The following C8orf58 variants were observed in gnomAD, a reference collection of about 807,000 sequenced individuals.
C8orf58 encodes the protein chromosome 8 open reading frame 58.
In C8orf58, 31 loss-of-function variants were observed where a neutral mutation model predicts 36.8. The observed-to-expected ratio is 0.84, with a 90% confidence interval of 0.63 to 1.14. C8orf58 has a LOEUF of 1.14. C8orf58 is among the 50% of genes most tolerant of loss of function. The probability of loss-of-function intolerance (pLI) is 0.00; values close to 1 mark genes in which losing one functional copy is unlikely to be tolerated. For missense variants in C8orf58, 538 were observed against 480.8 expected (o/e 1.12, Z -1.11); for synonymous variants, 230 against 200.2 (o/e 1.15, Z -1.26).
intron 5 of C8orf58, 78 bp from the exon 6 acceptor site, chr8:22,602,459 G>A (rs1800894651): frequency 2.9e-6 from 4 of 1,382,388 alleles, no homozygotes; most frequent in Non-Finnish European, 4.1e-6. Flanking sequence ...CCTGGCTGTG[G>A]CGACAGCTGT....
intron 2 of C8orf58, 33 bp from the exon 3 acceptor site, chr8:22,601,679 C>A: frequency 6.4e-7 from 1 of 1,573,556 alleles, no homozygotes. Context: ...GCCCTACTGG[C>A]TGAAATCTCC....
chr8:22,602,166 T>A, intron 4 of C8orf58, 34 bp from the exon 5 acceptor site: 1 of 1,567,360 alleles, frequency 6.4e-7, no homozygotes, highest in Non-Finnish European at 8.7e-7. Context: ...TGGGGTGTCT[T>A]CTGGCCCTGG....
Position 22,601,043 on chromosome 8 carries a change from G to T in C8orf58, c.202G>T (p.Asp68Tyr). ...ACTCTTTCTCAAACTGGCCTCCCGG[G>T]ACTCAGGAGTGGAGATGGCAGTTGG... Reference protein sequence around the residue: ...EALFLKLASRDSGVEMAVGDS... With the variant: ...EALFLKLASRYSGVEMAVGDS... The change falls in exon 2 of 7, where the codon GAC (aspartate) becomes TAC (tyrosine). Residue 68 changes from aspartate (D) to tyrosine (Y), a missense_variant. Coordinates refer to ENST00000289989, the MANE Select transcript of C8orf58 (RefSeq NM_001013842.3). 1 of 1,612,860 alleles carries T rather than the reference G, an allele frequency of 6.2e-7. No individual in the cohort carries two copies. Among genetic ancestry groups the T allele is most frequent in the Non-Finnish European group, 8.5e-7 (1 of 1,180,022 alleles).
In C8orf58 at chr8:22,603,285, A is replaced by C. The variant is rs1563895594; in HGVS notation, c.1077A>C (p.Ala359=). 1 of 1,613,774 alleles carries C rather than the reference A, an allele frequency of 6.2e-7. No homozygotes were observed. The highest frequency in any genetic ancestry group is 1.6e-4 in the Middle Eastern group (1 of 6,062). ...MPSLVVKKQR[A]KNLSVG is the part of the protein sequence containing the mutation. ...CATTAGTGGTTAAGAAGCAACGAGCAAAAAACCTTTCTGTAGGCTGAGACC... is the reference window on the plus strand; with the variant it reads ...CATTAGTGGTTAAGAAGCAACGAGCCAAAAACCTTTCTGTAGGCTGAGACC... The change falls in exon 7 of 7, where the codon GCA becomes GCC. Residue 359 remains alanine, a synonymous_variant. Coordinates refer to ENST00000289989, the MANE Select transcript of C8orf58 (RefSeq NM_001013842.3).
chr8:22,602,886 G>C lies in C8orf58; in HGVS notation c.986+243G>C, dbSNP rs905882049. The C allele has an allele frequency of 1.4e-5, 8 of 581,664 alleles. No individual in the cohort carries two copies. The African/African-American group carries it at 1.5e-4, about 11-fold the overall frequency. 36.0% of individuals were successfully genotyped at this position (581,664 alleles called of 1,614,324 possible). On this transcript the variant is annotated intron_variant, in intron 6 of 6. Coordinates refer to ENST00000289989, the MANE Select transcript of C8orf58 (RefSeq NM_001013842.3). The stretch of plus-strand genomic sequence containing the variant: ...GGTGAGTCAGTGACAGCTAGGACCA[G>C]AATGTGGGAAATCTGCCTACCCTAG...
intron 1 of C8orf58, among the ~76,000 whole-genome samples, chr8:22,600,603 G>A (rs1800819076): frequency 1.3e-5 from 2 of 152,238 alleles, no homozygotes; most frequent in South Asian, 2.1e-4. Context: ...AAGCGCAGGC[G>A]CAGGCCGTCT....
rs1800938530 is a variant in C8orf58, at chr8:22,603,477, C to A, written c.*171C>A. 7 of 669,648 alleles carry A rather than the reference C, an allele frequency of 1.0e-5. No individual in the cohort carries two copies. The South Asian group carries it at 1.1e-4, about 10-fold the overall frequency. 41.5% of individuals were successfully genotyped at this position (669,648 alleles called of 1,614,324 possible). On this transcript the variant is annotated 3_prime_UTR_variant, in exon 7 of 7. Transcript: ENST00000289989. ...CTCCTCTAAGCAGTCTGGTCAGGAA[C>A]CTTGGTTTCTTGAGAGGCCCCCAAG...
At chr8:22,602,353 TG>T in intron 5 of C8orf58, 41 bp downstream of exon 5, 2 of 152,750 alleles carry the variant, frequency 1.3e-5, no homozygotes, top group South Asian at 6.6e-5. Flanking sequence ...TGGGCTGGGG[TG>T]GGGGGAGGGG....
Position 22,601,042 on chromosome 8 carries a change from G to T in C8orf58, c.201G>T (p.Arg67=), listed in dbSNP as rs1800834152. ...CACTCTTTCTCAAACTGGCCTCCCG[G>T]GACTCAGGAGTGGAGATGGCAGTTG... ...REALFLKLAS[R]DSGVEMAVGD... is the part of the protein sequence containing the mutation. The change falls in exon 2 of 7, where the codon CGG becomes CGT. Residue 67 remains arginine, a synonymous_variant. Transcript: ENST00000289989. The T allele has an allele frequency of 1.2e-6, 2 of 1,612,744 alleles. No individual in the cohort carries two copies. Among genetic ancestry groups the T allele is most frequent in the African/African-American group, 1.3e-5 (1 of 74,938 alleles).
rs868154733 is a variant in C8orf58 at position 22,599,622 on chromosome 8, G to A, written c.-99G>A. On this transcript the variant is annotated 5_prime_UTR_variant, in exon 1 of 7. Coordinates refer to ENST00000289989, the MANE Select transcript of C8orf58 (RefSeq NM_001013842.3). ...GAGTGTCTGGGGGCCGCGCCCAGCT[G>A]GGTCGGGACGCGCTCCCTGAGCTGC... The A allele has an allele frequency of 6.8e-5, 39 of 571,726 alleles. No homozygotes were observed. The South Asian group carries it at 1.4e-3, about 20-fold the overall frequency. 35.4% of individuals were successfully genotyped at this position (571,726 alleles called of 1,614,324 possible).
At position 22,602,280 on chromosome 8, in the gene C8orf58, A is replaced by G. The variant is rs780379562; in HGVS notation, c.847A>G (p.Thr283Ala). The G allele has an allele frequency of 9.9e-6, 15 of 1,520,514 alleles. No homozygotes were observed. Among genetic ancestry groups the G allele is most frequent in the Non-Finnish European group, 1.2e-5 (13 of 1,124,160 alleles). 94.2% of individuals were successfully genotyped at this position (1,520,514 alleles called of 1,614,324 possible). ...PRLPETPVEPTYHLPSSQGHK... is the reference protein window; with the variant it reads ...PRLPETPVEPAYHLPSSQGHK... ...GCTGCCAGAAACCCCAGTGGAGCCA[A>G]CGTACCACTTGCCATCCTCCCAGGG... The change falls in exon 5 of 7, where the codon ACG becomes GCG. Residue 283 changes from threonine (T) to alanine (A), a missense_variant. Physicochemically the swap from Thr to Ala is moderately conservative, Grantham distance 58. Transcript: ENST00000289989.
chr8:22,603,120 A>C (rs937377397), intron 6 of C8orf58, 75 bp from the exon 7 acceptor site: 1 of 1,136,044 alleles, frequency 8.8e-7, no homozygotes, highest in East Asian at 2.3e-5. Flanking sequence ...CAGATAAACC[A>C]CGTTCTCTCA....
rs966420392 is a variant in C8orf58 at position 22,602,247 on chromosome 8, C to T, written c.814C>T (p.Pro272Ser). The T allele has an allele frequency of 6.2e-7, 1 of 1,608,374 alleles. No individual in the cohort carries two copies. The highest frequency in any genetic ancestry group is 1.3e-5 in the African/African-American group (1 of 74,856). ...AAAGGTGGAGGTGCCCAGTGCCAAC[C>T]CTCCCAGGCTGCCAGAAACCCCAGT... is the stretch of plus-strand genomic sequence containing the variant. ...PPKVEVPSANPPRLPETPVEP... is the reference protein window; with the variant it reads ...PPKVEVPSANSPRLPETPVEP... Residue 272 changes from proline to serine, a missense_variant, in exon 5 of 7, where the codon CCT (proline) becomes TCT (serine). Coordinates refer to ENST00000289989, the MANE Select transcript of C8orf58 (RefSeq NM_001013842.3).
In C8orf58 at chr8:22,601,714, G is replaced by A. The variant is rs530414257; in HGVS notation, c.519G>A (p.Val173=). ...CCCTATCTCACAATGTCCCACAGGT[G>A]GGGGGCCTGGGGCCTGGAGCCTGGG... ...DLEAGLEEEA[V]GGLGPGAWAC... Residue 173 remains valine (V), a splice_region_variant and synonymous_variant, in exon 3 of 7, where the codon GTG becomes GTA. Transcript: ENST00000289989. 2.2e-5 allele frequency: 35 copies of A among 1,606,260 alleles called. No individual in the cohort carries two copies. Among genetic ancestry groups the A allele is most frequent in the Non-Finnish European group, 2.8e-5 (33 of 1,177,072 alleles).
rs767350232 is a variant in C8orf58, at chr8:22,601,270, G to A, written c.429G>A (p.Lys143=). 4 of 1,610,016 alleles carry A rather than the reference G, an allele frequency of 2.5e-6. No individual in the cohort carries two copies. Among genetic ancestry groups the A allele is most frequent in the Admixed American group, 3.3e-5 (2 of 59,860 alleles). The change falls in exon 2 of 7, where the codon AAG becomes AAA. Residue 143 remains lysine (K), a synonymous_variant. Transcript: ENST00000289989. ...GQHRSLRLAS[K]PEREVPLGAG... Reference sequence around the variant, plus strand: ...ACCGCTCCCTGCGGCTGGCAAGCAAGCCTGAGCGTGAAGTGCCCCTTGGAG... The same window carrying A: ...ACCGCTCCCTGCGGCTGGCAAGCAAACCTGAGCGTGAAGTGCCCCTTGGAG...
Position 22,603,745 on chromosome 8 carries a change from G to T in C8orf58, c.*439G>T. The stretch of plus-strand genomic sequence containing the variant: ...TGCATCCAAAGGGTTGATATTCTGG[G>T]GGAGGTCACTGCAGAAGGATGGAAC... On this transcript the variant is annotated 3_prime_UTR_variant, in exon 7 of 7. Transcript: ENST00000289989. 3.3e-6 allele frequency: 1 copy of T among 301,408 alleles called. No individual in the cohort carries two copies. The highest frequency in any genetic ancestry group is 2.2e-5 in the African/African-American group (1 of 45,816). 18.7% of individuals were successfully genotyped at this position (301,408 alleles called of 1,614,324 possible). A position where few individuals can be genotyped will look rare whatever the true frequency, so the allele number is the denominator to read the frequency against.
rs1267335954 is a variant in C8orf58 at position 22,601,170 on chromosome 8, C to T, written c.329C>T (p.Ala110Val). Residue 110 changes from alanine (A) to valine (V), a missense_variant, in exon 2 of 7, where the codon GCC (alanine) becomes GTC (valine). Coordinates refer to ENST00000289989, the MANE Select transcript of C8orf58 (RefSeq NM_001013842.3). ...EPPAQVGRLL[A>V]SQKLGEVLER... is the part of the protein sequence containing the mutation. ...CCCGCCCAGGTAGGCCGACTCCTGG[C>T]CAGCCAGAAGCTGGGGGAGGTGTTG... 2.5e-6 allele frequency: 4 copies of T among 1,609,892 alleles called. No individual in the cohort carries two copies. The highest frequency in any genetic ancestry group is 3.4e-6 in the Non-Finnish European group (4 of 1,178,860).
At position 22,604,016 on chromosome 8, in the gene C8orf58, T is replaced by G. The variant is rs1420469349; in HGVS notation, c.*710T>G. 6.4e-6 allele frequency: 1 copy of G among 155,760 alleles called. No homozygotes were observed. The highest frequency in any genetic ancestry group is 1.9e-4 in the East Asian group (1 of 5,228). The allele number at this position is 155,760 out of a possible 1,614,324, so 9.6% of individuals were successfully genotyped here. A position where few individuals can be genotyped will look rare whatever the true frequency, so the allele number is the denominator to read the frequency against. On this transcript the variant is annotated 3_prime_UTR_variant, in exon 7 of 7. Transcript: ENST00000289989. Reference sequence around the variant, plus strand: ...GGTCTTAATTCAAACCAGATGCCTGTACTAGTTTTTAGACCCCAAGTCAAC... The same window carrying G: ...GGTCTTAATTCAAACCAGATGCCTGGACTAGTTTTTAGACCCCAAGTCAAC...
At position 22,601,203 on chromosome 8, in the gene C8orf58, C is replaced by T; in HGVS notation, c.362C>T (p.Ser121Phe). The change falls in exon 2 of 7, where the codon TCC becomes TTC. Residue 121 changes from serine to phenylalanine, a missense_variant. By Grantham distance (155) the Ser-to-Phe change is radical (BLOSUM62 -2). Transcript: ENST00000289989. ...SQKLGEVLER[S>F]RRLPTAPTSL... Reference sequence around the variant, plus strand: ...AAGCTGGGGGAGGTGTTGGAGCGGTCCCGCCGGCTCCCAACAGCTCCCACC... The same window carrying T: ...AAGCTGGGGGAGGTGTTGGAGCGGTTCCGCCGGCTCCCAACAGCTCCCACC... 1.2e-6 allele frequency: 2 copies of T among 1,608,758 alleles called. No homozygotes were observed. Among genetic ancestry groups the T allele is most frequent in the East Asian group, 2.2e-5 (1 of 44,688 alleles).
Sources: gnomAD v4.1 joint callset for allele counts (sites outside exome capture counted in the v4.1 genomes callset) on GRCh38, gnomAD v4.1.1 for gene constraint, MANE v1.5 for transcripts, NCBI Gene and HGNC (gene_info 2026-07-23, HGNC 2026-07-21) for gene names.